The following PDZK1 variants were observed in gnomAD, a reference collection of about 807,000 sequenced individuals.
PDZK1 encodes Na(+)/H(+) exchange regulatory cofactor NHE-RF3.
In PDZK1, 23 loss-of-function variants were observed where a neutral mutation model predicts 38.1. That is an observed-to-expected ratio of 0.60 (90% confidence interval 0.43 to 0.85). The LOEUF is 0.85. PDZK1 is among the 40% of genes least tolerant of loss of function. The pLI, the probability that PDZK1 is intolerant of heterozygous loss-of-function variation, is 0.00. For synonymous variants in PDZK1, 98 were observed against 186.2 expected (o/e 0.53, Z 3.86); for missense variants, 297 against 504.3 (o/e 0.59, Z 3.94).
chr1:145,696,900 A>G (rs1168205243), intron 1 of PDZK1, among the ~76,000 whole-genome samples: 1 of 152,232 alleles, frequency 6.6e-6, no homozygotes, highest in Non-Finnish European at 1.5e-5. Context: ...AGAGCTTAGG[A>G]GATGCTGGAC....
chr1:145,701,393 G>A (rs1655954018), intron 1 of PDZK1, among the ~76,000 whole-genome samples: 2 of 151,620 alleles, frequency 1.3e-5, no homozygotes, highest in African/African-American at 4.9e-5. Context: ...GACATTACTT[G>A]CTTTCCACTG....
At chr1:145,704,220 C>T (rs1160807186) in intron 1 of PDZK1, among the ~76,000 whole-genome samples, 2 of 152,182 alleles carry the variant, frequency 1.3e-5, no homozygotes, top group Non-Finnish European at 2.9e-5. Flanking sequence ...GGAAAGTCCA[C>T]GGGCTTTTCT....
At chr1:145,701,834 T>C (rs1313063811) in intron 1 of PDZK1, among the ~76,000 whole-genome samples, 1 of 152,194 alleles carries the variant, frequency 6.6e-6, no homozygotes, top group Admixed American at 6.5e-5. Context: ...CTTCTTCAAA[T>C]ATATTTTACC....
At chr1:145,692,580 G>A (rs782694636) in intron 1 of PDZK1, among the ~76,000 whole-genome samples, 7 of 151,912 alleles carry the variant, frequency 4.6e-5, no homozygotes, top group Admixed American at 2.0e-4. Context: ...GTATGGTGGT[G>A]CACACCTGTA....
intron 6 of PDZK1, chr1:145,676,144 C>T (rs1653642269): frequency 1.0e-6 from 1 of 980,420 alleles, no homozygotes; most frequent in African/African-American, 1.8e-5. Flanking sequence ...TCCACCCCAA[C>T]CTACAGGGCT....
In PDZK1 at chr1:145,671,101, A is replaced by T; in HGVS notation, c.*335T>A. 3.1e-6 allele frequency: 1 copy of T among 327,676 alleles called. No homozygotes were observed. The highest frequency in any genetic ancestry group is 4.6e-5 in the Admixed American group (1 of 21,780). 20.3% of individuals were successfully genotyped at this position (327,676 alleles called of 1,614,324 possible). A position where few individuals can be genotyped will look rare whatever the true frequency, so the allele number is the denominator to read the frequency against. On this transcript the variant is annotated 3_prime_UTR_variant, in exon 9 of 9. Coordinates refer to ENST00000417171, the MANE Select transcript of PDZK1 (RefSeq NM_001201325.2). ...CAGCTGTCACCTATACAGAGTTATG[A>T]ATCATCTTTGGTGCTCAAGGAACCT...
At chr1:145,686,216 C>T (rs1654757168) in intron 3 of PDZK1, among the ~76,000 whole-genome samples, 1 of 152,214 alleles carries the variant, frequency 6.6e-6, no homozygotes, top group Non-Finnish European at 1.5e-5. Context: ...GCCAGCCTGA[C>T]AAACACTCAG....
At chr1:145,699,616 T>G (rs1655840739) in intron 1 of PDZK1, among the ~76,000 whole-genome samples, 2 of 152,166 alleles carry the variant, frequency 1.3e-5, no homozygotes, top group South Asian at 4.1e-4. Flanking sequence ...TGGAAGCAGT[T>G]TCAAAAGTTA....
chr1:145,697,354 GAGAGAA>G (rs1450675394), intron 1 of PDZK1, among the ~76,000 whole-genome samples: 5 of 151,908 alleles, frequency 3.3e-5, no homozygotes, highest in South Asian at 4.2e-4. Flanking sequence ...GGAAGGGAAA[GAGAGAA>G]AGAGAAAGAG....
At chr1:145,687,734 C>T in intron 2 of PDZK1, 78 bp downstream of exon 2, 2 of 1,280,644 alleles carry the variant, frequency 1.6e-6, no homozygotes, top group Non-Finnish European at 1.1e-6. Context: ...ACTCTACCAA[C>T]CCCCAAAATT....
chr1:145,671,381 T>G lies in PDZK1; in HGVS notation c.*55A>C. The G allele has an allele frequency of 6.2e-7, 1 of 1,606,456 alleles. No homozygotes were observed. The highest frequency in any genetic ancestry group is 8.5e-7 in the Non-Finnish European group (1 of 1,176,440). ...CTCATTCCTTGAGAAAGGATTCCTA[T>G]TAAATACCCAGAAACAGCTATCAAA... On this transcript the variant is annotated 3_prime_UTR_variant, in exon 9 of 9. Transcript: ENST00000417171.
At chr1:145,684,207 CTTTT>C (rs1162290584) in intron 3 of PDZK1, among the ~76,000 whole-genome samples, 1 of 120,066 alleles carries the variant, frequency 8.3e-6, no homozygotes, top group Non-Finnish European at 1.7e-5. Context: ...GCATTTTTGG[CTTTT>C]TTTTTTTTTT....
chr1:145,675,904 G>A (rs1403833465), intron 6 of PDZK1, among the ~76,000 whole-genome samples: 1 of 151,986 alleles, frequency 6.6e-6, no homozygotes, highest in Admixed American at 6.6e-5. Flanking sequence ...TGTAGTCCCA[G>A]CTACTTGAGA....
chr1:145,682,071 G>A (rs1177045505), intron 4 of PDZK1, among the ~76,000 whole-genome samples: 6 of 113,716 alleles, frequency 5.3e-5, no homozygotes, highest in Admixed American at 4.3e-4. Flanking sequence ...AGCCAGGTGC[G>A]GTGGTGCACA....
intron 1 of PDZK1, among the ~76,000 whole-genome samples, chr1:145,694,385 AGG>A (rs1453309430): frequency 1.3e-5 from 2 of 152,192 alleles, no homozygotes; most frequent in Non-Finnish European, 2.9e-5. Context: ...ATGCTGGGGC[AGG>A]TGAAATCTGT....
chr1:145,690,592 T>C (rs917048843), intron 1 of PDZK1, among the ~76,000 whole-genome samples: 2 of 152,184 alleles, frequency 1.3e-5, no homozygotes, highest in African/African-American at 4.8e-5. Flanking sequence ...GATACTATGT[T>C]TTCATCAAGA....
chr1:145,683,342 C>A (rs1342991179), intron 3 of PDZK1, among the ~76,000 whole-genome samples: 2 of 152,346 alleles, frequency 1.3e-5, no homozygotes, highest in Admixed American at 1.3e-4. Flanking sequence ...AACCAGAAAG[C>A]GCTAAAACAT....
chr1:145,697,704 T>C (rs1490862699), intron 1 of PDZK1, among the ~76,000 whole-genome samples: 3 of 148,788 alleles, frequency 2.0e-5, no homozygotes, highest in Non-Finnish European at 3.0e-5. Flanking sequence ...TTCAAGCAAG[T>C]CTCCTGCTCA....
rs1553697772 is a variant in PDZK1, at chr1:145,671,414, C to G, written c.*22G>C. 6.3e-7 allele frequency: 1 copy of G among 1,598,440 alleles called. No homozygotes were observed. Among genetic ancestry groups the G allele is most frequent in the Non-Finnish European group, 8.5e-7 (1 of 1,171,408 alleles). On this transcript the variant is annotated 3_prime_UTR_variant, in exon 9 of 9. Transcript: ENST00000417171. ...CCAGAAACAGCTATCAAATAAACAG[C>G]CAAAGCTATTACTTGTTTTCATCAC... is the stretch of plus-strand genomic sequence containing the variant.
Sources: allele counts gnomAD v4.1 joint callset (sites outside exome capture counted in the v4.1 genomes callset), GRCh38; gene constraint gnomAD v4.1.1; transcripts MANE v1.5; gene names NCBI Gene and HGNC (gene_info 2026-07-23, HGNC 2026-07-21).